The following TTC27 variants were observed in gnomAD, a reference collection of about 807,000 sequenced individuals.
The protein encoded by TTC27 is tetratricopeptide repeat protein 27.
A neutral mutation model predicts 115.9 loss-of-function variants in TTC27; 79 were observed. The ratio of observed to expected loss-of-function variants is 0.68; its 90% CI spans 0.57 to 0.82. The LOEUF (loss-of-function observed/expected upper bound fraction) is 0.82. Among genes scored for constraint, TTC27 ranks in the 40% least tolerant of loss-of-function variants. TTC27 has a pLI of 0.00. For missense variants in TTC27, 1,054 were observed against 993.1 expected (o/e 1.06, Z -0.82); for synonymous variants, 401 against 356.0 (o/e 1.13, Z -1.42).
At position 32,687,584 on chromosome 2, in the gene TTC27, A is replaced by G. The variant is rs114658577; in HGVS notation, c.1119+8662A>G. 5.6e-3 allele frequency among the ~76,000 whole-genome samples: 849 copies of G among 152,342 alleles called. 11 individuals are homozygous for G. Among genetic ancestry groups the G allele is most frequent in the African/African-American group, 0.019 (801 of 41,592 alleles). The stretch of plus-strand genomic sequence containing the variant: ...AGATGTACTTTGAATGTAAAGACTC[A>G]GATGGGTTGATAATAAATGAATGGA... On this transcript the variant is annotated intron_variant, in intron 9 of 19. Coordinates refer to ENST00000317907, the MANE Select transcript of TTC27 (RefSeq NM_017735.5).
chr2:32,644,783 G>A (rs1664788200), intron 4 of TTC27, among the ~76,000 whole-genome samples: 1 of 150,038 alleles, frequency 6.7e-6, no homozygotes. Flanking sequence ...TTTCCTGTGG[G>A]TCTTTACTAT....
chr2:32,754,918 G>A (rs1247799414), intron 12 of TTC27, among the ~76,000 whole-genome samples: 4 of 150,386 alleles, frequency 2.7e-5, no homozygotes, highest in African/African-American at 4.9e-5. Flanking sequence ...GCTGCCGGGC[G>A]GGGATGCTCC....
intron 5 of TTC27, among the ~76,000 whole-genome samples, chr2:32,660,039 G>T (rs1239926030): frequency 6.6e-6 from 1 of 152,142 alleles, no homozygotes; most frequent in Non-Finnish European, 1.5e-5. Context: ...CCAGTAATGG[G>T]ATTGCTGGGT....
At chr2:32,698,620 C>A (rs1667077037) in intron 9 of TTC27, among the ~76,000 whole-genome samples, 1 of 151,690 alleles carries the variant, frequency 6.6e-6, no homozygotes, top group Non-Finnish European at 1.5e-5. Flanking sequence ...GCTGGGACTA[C>A]AGGCGCCCCC....
chr2:32,757,457 A>T (rs1244949649), intron 12 of TTC27, among the ~76,000 whole-genome samples: 1 of 152,110 alleles, frequency 6.6e-6, no homozygotes, highest in Non-Finnish European at 1.5e-5. Context: ...CCTTAGAGAC[A>T]TACCTCTTTT....
At chr2:32,637,446 C>G (rs1461973048) in intron 3 of TTC27, among the ~76,000 whole-genome samples, 1 of 152,086 alleles carries the variant, frequency 6.6e-6, no homozygotes, top group African/African-American at 2.4e-5. Flanking sequence ...ATTCTCCTGC[C>G]TCAGCCTCCT....
At chr2:32,696,866 C>G in intron 9 of TTC27, among the ~76,000 whole-genome samples, 1 of 152,116 alleles carries the variant, frequency 6.6e-6, no homozygotes, top group Admixed American at 6.5e-5. Context: ...TTTACAGTTC[C>G]TGTTATTCCT....
chr2:32,815,223 A>ATTTTTTTTTTTTTTTTTTTTTTTTT lies in TTC27; in HGVS notation c.2309-2227_2309-2203dup, dbSNP rs533493768. ...CATAGAGGAGGCACTGCTGCTTCAG[A>ATTTTTTTTTTTTTTTTTTTTTTTTT]TTTTTTTTTTTTTTTTTTTTTTTTT... On this transcript the variant is annotated intron_variant, in intron 18 of 19. Transcript: ENST00000317907. 1.3e-4 allele frequency among the ~76,000 whole-genome samples: 7 copies of ATTTTTTTTTTTTTTTTTTTTTTTTT among 55,498 alleles called. 2 individuals carry two copies. Among genetic ancestry groups the ATTTTTTTTTTTTTTTTTTTTTTTTT allele is most frequent in the African/African-American group, 4.7e-4 (5 of 10,708 alleles). The allele number at this position is 55,498 out of a possible 152,430, so 36.4% of individuals were successfully genotyped here.
chr2:32,665,822 C>T (rs1395087218), intron 6 of TTC27, among the ~76,000 whole-genome samples: 5 of 152,072 alleles, frequency 3.3e-5, no homozygotes, highest in African/African-American at 9.7e-5. Context: ...ACCAGGGAGT[C>T]GGAGGTTGCA....
At chr2:32,796,109 G>C (rs540318883) in intron 16 of TTC27, among the ~76,000 whole-genome samples, 1 of 152,254 alleles carries the variant, frequency 6.6e-6, no homozygotes, top group South Asian at 2.1e-4. Context: ...ATTCAGCATA[G>C]TAGCAGGATG....
chr2:32,675,350 G>A (rs1273499394), intron 8 of TTC27, among the ~76,000 whole-genome samples: 1 of 152,104 alleles, frequency 6.6e-6, no homozygotes, highest in Middle Eastern at 3.2e-3. Context: ...GTATTCCCAG[G>A]CATTATGTCA....
rs985524981 is a variant in TTC27 at position 32,664,310 on chromosome 2, A to C, written c.648A>C (p.Lys216Asn). ...LAENCIDQVM[K>N]LQNLFVDDSG... is the part of the protein sequence containing the mutation. ...TTATCTTTTGTCTTGCAGTGATGAAACTACAGAATCTGTTTGTAGATGATT... is the reference window on the plus strand; with the variant it reads ...TTATCTTTTGTCTTGCAGTGATGAACCTACAGAATCTGTTTGTAGATGATT... The change falls in exon 6 of 20, where the codon AAA becomes AAC. Residue 216 changes from lysine to asparagine, a missense_variant. By Grantham distance (94) the Lys-to-Asn change is moderately conservative (BLOSUM62 0). Coordinates refer to ENST00000317907, the MANE Select transcript of TTC27 (RefSeq NM_017735.5). 59 of 1,594,620 alleles carry C rather than the reference A, an allele frequency of 3.7e-5. No individual in the cohort carries two copies. The highest frequency in any genetic ancestry group is 5.0e-5 in the Non-Finnish European group (59 of 1,172,122).
At chr2:32,647,400 A>G (rs1045822973) in intron 4 of TTC27, among the ~76,000 whole-genome samples, 10 of 152,210 alleles carry the variant, frequency 6.6e-5, no homozygotes, top group African/African-American at 2.4e-4. Context: ...TTCATGCTAT[A>G]GTGATAGGAA....
At position 32,762,866 on chromosome 2, in the gene TTC27, T is replaced by G. The variant is rs968941216; in HGVS notation, c.1680+4347T>G. Among the ~76,000 whole-genome samples the G allele has an allele frequency of 2.6e-5, 4 of 152,270 alleles. No homozygotes were observed. The South Asian group carries it at 8.3e-4, about 32-fold the overall frequency. ...CATGTTGGTCAGGCTGGTCTTGAAC[T>G]CCTGACCTTGTGATCCGCCCGCCTC... On this transcript the variant is annotated intron_variant, in intron 13 of 19. Coordinates refer to ENST00000317907, the MANE Select transcript of TTC27 (RefSeq NM_017735.5).
chr2:32,763,765 T>C (rs1258314820), intron 13 of TTC27, among the ~76,000 whole-genome samples: 2 of 152,210 alleles, frequency 1.3e-5, no homozygotes, highest in Admixed American at 6.5e-5. Context: ...GCTTTGGAGA[T>C]TGCTAGCTAT....
At chr2:32,735,247 A>C (rs1668413746) in intron 11 of TTC27, among the ~76,000 whole-genome samples, 1 of 152,226 alleles carries the variant, frequency 6.6e-6, no homozygotes, top group Admixed American at 6.5e-5. Context: ...AAGCTTTATG[A>C]TATCTCAAAA....
At chr2:32,735,025 C>G (rs1172190064) in intron 11 of TTC27, among the ~76,000 whole-genome samples, 3 of 152,108 alleles carry the variant, frequency 2.0e-5, no homozygotes, top group African/African-American at 7.2e-5. Context: ...TTATTTTAAC[C>G]AGTTTTCTGT....
chr2:32,728,104 G>A (rs1034837250), intron 10 of TTC27, among the ~76,000 whole-genome samples: 2 of 145,252 alleles, frequency 1.4e-5, no homozygotes, highest in Non-Finnish European at 3.0e-5. Context: ...GCAGTGGCGT[G>A]ATCTCTGCTC....
At chr2:32,740,716 A>G (rs13026482) in intron 12 of TTC27, among the ~76,000 whole-genome samples, 36,084 of 152,070 alleles carry the variant, frequency 0.24, 4,861 homozygotes, top group Middle Eastern at 0.43. Flanking sequence ...GTGCAGTGGC[A>G]CGATCTTAGC....
Sources: allele counts gnomAD v4.1 joint callset (sites outside exome capture counted in the v4.1 genomes callset), GRCh38; gene constraint gnomAD v4.1.1; transcripts MANE v1.5; gene names NCBI Gene and HGNC (gene_info 2026-07-23, HGNC 2026-07-21).